Variants in DGKH observed in about 807,000 individuals in gnomAD.
The protein encoded by DGKH is diacylglycerol kinase eta.
DGKH carries 90 observed loss-of-function variants against 159.3 expected under a neutral mutation model. The observed-to-expected ratio is 0.57, with a 90% CI of 0.48 to 0.67. The LOEUF (loss-of-function observed/expected upper bound fraction) is 0.67. Among genes scored for constraint, DGKH ranks in the 30% least tolerant of loss-of-function variants. The probability of loss-of-function intolerance (pLI) is 0.00; values close to 1 mark genes in which losing one functional copy is unlikely to be tolerated. For synonymous variants in DGKH, 536 were observed against 553.8 expected (o/e 0.97, Z 0.45); for missense variants, 1,181 against 1,506.1 (o/e 0.78, Z 3.57).
At chr13:42,089,254 T>A (rs1954368765) in intron 1 of DGKH, among the ~76,000 whole-genome samples, 2 of 152,204 alleles carry the variant, frequency 1.3e-5, no homozygotes, top group East Asian at 3.8e-4. Flanking sequence ...ATTAACTAAC[T>A]TGACCTAATT....
At chr13:42,132,537 G>A (rs619659) in intron 3 of DGKH, among the ~76,000 whole-genome samples, 76,098 of 152,042 alleles carry the variant, frequency 0.5, 20,202 homozygotes, top group African/African-American at 0.68. Context: ...TGGCCCTTCA[G>A]CTGGGCTTGT....
At chr13:42,047,339 A>C (rs1880856032), upstream of DGKH, among the ~76,000 whole-genome samples, 1 of 152,188 alleles carries the variant, frequency 6.6e-6, no homozygotes. Flanking sequence ...AAAAAAAAAA[A>C]TTAGAACCTT....
chr13:42,101,578 A>G (rs796516127), intron 1 of DGKH, among the ~76,000 whole-genome samples: 3 of 152,324 alleles, frequency 2.0e-5, no homozygotes, highest in African/African-American at 7.2e-5. Context: ...AGTGCTGGTC[A>G]TGGGTGGCTT....
intron 1 of DGKH, among the ~76,000 whole-genome samples, chr13:42,081,877 T>G (rs1015511515): frequency 6.6e-6 from 1 of 152,196 alleles, no homozygotes; most frequent in East Asian, 1.9e-4. Context: ...CTCATTGGTA[T>G]TGAGGTGTCA....
chr13:42,092,582 T>G (rs895911611), intron 1 of DGKH, among the ~76,000 whole-genome samples: 1 of 152,118 alleles, frequency 6.6e-6, no homozygotes, highest in South Asian at 2.1e-4. Context: ...TGGTGGTTAC[T>G]AGAGGCTGGG....
chr13:42,216,457 T>A (rs1014636768), intron 26 of DGKH: 2 of 152,222 alleles, frequency 1.3e-5, no homozygotes, highest in Admixed American at 1.3e-4. Flanking sequence ...AGTAATTTTC[T>A]CACTTGGTTG....
At chr13:42,050,166 T>G (rs1881166638) in intron 1 of DGKH, among the ~76,000 whole-genome samples, 1 of 151,942 alleles carries the variant, frequency 6.6e-6, no homozygotes, top group Non-Finnish European at 1.5e-5. Flanking sequence ...AGGCCAGGAG[T>G]TCCAGACCAG....
intron 13 of DGKH, among the ~76,000 whole-genome samples, chr13:42,184,469 G>C (rs1358102700): frequency 6.6e-6 from 1 of 152,182 alleles, no homozygotes; most frequent in East Asian, 1.9e-4. Context: ...AATGTGGACT[G>C]TTGTTAGCCT....
Position 42,199,597 on chromosome 13 carries a change from A to G in DGKH, c.2317A>G (p.Asn773Asp). The G allele has an allele frequency of 6.2e-7, 1 of 1,603,062 alleles. No individual in the cohort carries two copies. Among genetic ancestry groups the G allele is most frequent in the Non-Finnish European group, 8.5e-7 (1 of 1,176,560 alleles). Residue 773 changes from asparagine (N) to aspartate (D), a missense_variant, in exon 19 of 30, where the codon AAT (asparagine) becomes GAT (aspartate). By Grantham distance (23) the Asn-to-Asp change is conservative. Transcript: ENST00000337343. ...DGYSEKCVMNNYFGIGLDAKI... is the reference protein window; with the variant it reads ...DGYSEKCVMNDYFGIGLDAKI... Reference sequence around the variant, plus strand: ...ATATTCAGAAAAATGTGTCATGAACAATTACTTTGGGATTGGATTAGATGC... The same window carrying G: ...ATATTCAGAAAAATGTGTCATGAACGATTACTTTGGGATTGGATTAGATGC...
chr13:42,125,172 T>A (rs1421014025), intron 1 of DGKH, among the ~76,000 whole-genome samples: 2 of 152,226 alleles, frequency 1.3e-5, no homozygotes, highest in East Asian at 3.8e-4. Context: ...ATATTCTGAC[T>A]CTTGTCTCCT....
At position 42,219,796 on chromosome 13, in the gene DGKH, T is replaced by C; in HGVS notation, c.3442+2T>C. On this transcript the variant is annotated splice_donor_variant, in intron 28 of 29. Coordinates refer to ENST00000337343, the MANE Select transcript of DGKH (RefSeq NM_178009.5). LOFTEE classifies it high-confidence loss of function. ...AGCAGAAGACAAGTTCACAGCCTGG[T>C]AGGTGGTCCATATGGAAGGGGAAAT... 6.2e-7 allele frequency: 1 copy of C among 1,612,260 alleles called. No homozygotes were observed. The highest frequency in any genetic ancestry group is 8.5e-7 in the Non-Finnish European group (1 of 1,178,738).
chr13:42,174,494 A>G (rs963361008), intron 12 of DGKH, among the ~76,000 whole-genome samples: 8 of 152,100 alleles, frequency 5.3e-5, no homozygotes, highest in South Asian at 2.1e-4. Flanking sequence ...TCCTCCCTGC[A>G]TGTTCTATCT....
At chr13:42,152,427 A>C (rs1327982491) in intron 3 of DGKH, among the ~76,000 whole-genome samples, 1 of 150,748 alleles carries the variant, frequency 6.6e-6, no homozygotes, top group African/African-American at 2.4e-5. Context: ...ATATGATTAT[A>C]TATGTGTATA....
chr13:42,174,959 A>G (rs1192822413), intron 12 of DGKH, among the ~76,000 whole-genome samples: 1 of 152,190 alleles, frequency 6.6e-6, no homozygotes, highest in Non-Finnish European at 1.5e-5. Context: ...CATCTCTACT[A>G]CAGACCATAA....
chr13:42,183,735 A>G (rs941120804), intron 13 of DGKH, among the ~76,000 whole-genome samples: 3 of 152,266 alleles, frequency 2.0e-5, no homozygotes, highest in African/African-American at 7.2e-5. Flanking sequence ...AATAAGAGTT[A>G]TCTTCTGAGA....
intron 1 of DGKH, among the ~76,000 whole-genome samples, chr13:42,101,531 A>G (rs1170190): frequency 0.81 from 123,029 of 152,196 alleles, 50,247 homozygotes; most frequent in African/African-American, 0.89. Flanking sequence ...AGTGCAGACA[A>G]CGAACATTTC....
At chr13:42,150,258 T>A (rs1955842915) in intron 3 of DGKH, among the ~76,000 whole-genome samples, 1 of 152,148 alleles carries the variant, frequency 6.6e-6, no homozygotes, top group Non-Finnish European at 1.5e-5. Flanking sequence ...ACCTTTGAAA[T>A]CTTAGAGTTC....
intron 1 of DGKH, among the ~76,000 whole-genome samples, chr13:42,092,742 AT>A (rs1341686909): frequency 1.3e-5 from 2 of 152,232 alleles, no homozygotes; most frequent in African/African-American, 4.8e-5. Context: ...TTAGAAAAAA[AT>A]AATCGTAATG....
intron 24 of DGKH, 140 bp downstream of exon 24, chr13:42,210,905 T>G: frequency 4.2e-6 from 3 of 718,864 alleles, no homozygotes; most frequent in Non-Finnish European, 6.6e-6. Flanking sequence ...CTCTTTCCAT[T>G]ATTGTTTATT....
Sources: allele counts gnomAD v4.1 joint callset (sites outside exome capture counted in the v4.1 genomes callset), GRCh38; gene constraint gnomAD v4.1.1; transcripts MANE v1.5; gene names NCBI Gene and HGNC (gene_info 2026-07-23, HGNC 2026-07-21).